NFASC: variants seen among roughly 807,000 people sequenced by gnomAD.
The protein encoded by NFASC is neurofascin homolog.
A neutral mutation model predicts 147.5 loss-of-function variants in NFASC; 43 were observed. The ratio of observed to expected loss-of-function variants is 0.29; its 90% CI spans 0.23 to 0.38. The LOEUF is 0.38. NFASC is among the 10% of genes least tolerant of loss of function. The probability of loss-of-function intolerance (pLI) is 1.00; values close to 1 mark genes in which losing one functional copy is unlikely to be tolerated. For missense variants in NFASC, 1,320 were observed against 1,689.0 expected (o/e 0.78, Z 3.83); for synonymous variants, 622 against 665.5 (o/e 0.93, Z 1.01).
chr1:204,843,616 CTT>C (rs1676040422), intron 1 of NFASC, among the ~76,000 whole-genome samples: 1 of 83,246 alleles, frequency 1.2e-5, no homozygotes, highest in Admixed American at 1.5e-4. Context: ...TCCTTCCTTC[CTT>C]CCTTCCTTCC....
chr1:204,853,343 C>T (rs2075862345), intron 1 of NFASC, among the ~76,000 whole-genome samples: 1 of 152,192 alleles, frequency 6.6e-6, no homozygotes, highest in Admixed American at 6.5e-5. Context: ...ATCACATTAG[C>T]TCATATTTTT....
rs2096402987 is a variant in NFASC, at chr1:205,021,924, T to C, written c.*5385T>C. On this transcript the variant is annotated 3_prime_UTR_variant, in exon 30 of 30. Coordinates refer to ENST00000339876, the MANE Select transcript of NFASC (RefSeq NM_001005388.3). ...GAACCCTAGACCGTACCCCGTAGAA[T>C]GGTGTCTCTTGCTTTGTAACACATC... 3 of 152,674 alleles carry C rather than the reference T, an allele frequency of 2.0e-5. No individual in the cohort carries two copies. Among genetic ancestry groups the C allele is most frequent in the Non-Finnish European group, 1.5e-5 (1 of 68,056 alleles). 9.5% of individuals were successfully genotyped at this position (152,674 alleles called of 1,614,324 possible). A position where few individuals can be genotyped will look rare whatever the true frequency, so the allele number is the denominator to read the frequency against.
intron 1 of NFASC, among the ~76,000 whole-genome samples, chr1:204,831,085 T>A (rs900432146): frequency 3.9e-5 from 6 of 152,062 alleles, no homozygotes; most frequent in Non-Finnish European, 1.5e-5. Flanking sequence ...GGAGAAAGCA[T>A]TACCTGCAGC....
intron 29 of NFASC, among the ~76,000 whole-genome samples, chr1:205,013,103 C>G (rs796435353): frequency 3.9e-5 from 6 of 152,326 alleles, no homozygotes; most frequent in African/African-American, 1.4e-4. Flanking sequence ...GAGTCACTGC[C>G]CGACACATGC....
intron 29 of NFASC, among the ~76,000 whole-genome samples, chr1:205,014,544 C>T (rs1177972991): frequency 2.0e-5 from 3 of 152,198 alleles, no homozygotes; most frequent in African/African-American, 4.8e-5. Flanking sequence ...CCACCTAGAC[C>T]TTGAAGATGT....
chr1:204,978,638 G>T (rs182569435), intron 17 of NFASC, among the ~76,000 whole-genome samples: 1 of 152,234 alleles, frequency 6.6e-6, no homozygotes. Flanking sequence ...GATGACGGGT[G>T]GCATTCCTGA....
chr1:204,936,198 C>CT lies in NFASC; in HGVS notation c.-90-8023dup, dbSNP rs749844237. 5.6e-4 allele frequency among the ~76,000 whole-genome samples: 40 copies of CT among 71,886 alleles called. 7 individuals carry two copies. Among genetic ancestry groups the CT allele is most frequent in the East Asian group, 2.4e-3 (3 of 1,246 alleles). The allele number at this position is 71,886 out of a possible 152,430, so 47.2% of individuals were successfully genotyped here. ...TAACAGATTCCCTCTCTCTCTCTTT[C>CT]TTTTTCTTTTTTTTTTTTTTTGAGA... On this transcript the variant is annotated intron_variant, in intron 2 of 29. Transcript: ENST00000339876.
At chr1:204,896,893 TA>T (rs2083484424) in intron 1 of NFASC, among the ~76,000 whole-genome samples, 2 of 152,184 alleles carry the variant, frequency 1.3e-5, no homozygotes, top group African/African-American at 4.8e-5. Flanking sequence ...GGCACTGCGC[TA>T]GGGGCTGGGA....
chr1:204,938,852 C>T (rs1053532865), intron 2 of NFASC, among the ~76,000 whole-genome samples: 38 of 152,264 alleles, frequency 2.5e-4, no homozygotes, highest in African/African-American at 7.7e-4. Flanking sequence ...ATTGAGGGCC[C>T]GGGAATCTGT....
chr1:204,978,467 C>T (rs377263591), intron 17 of NFASC, among the ~76,000 whole-genome samples: 1 of 152,212 alleles, frequency 6.6e-6, no homozygotes, highest in Non-Finnish European at 1.5e-5. Flanking sequence ...GTTGCCCCCA[C>T]TCCCCTAACC....
chr1:204,953,811 G>T (rs972728614), intron 5 of NFASC, among the ~76,000 whole-genome samples: 6 of 152,198 alleles, frequency 3.9e-5, no homozygotes, highest in Non-Finnish European at 7.3e-5. Flanking sequence ...GAAATGTCCT[G>T]GGGTGGAAGA....
chr1:205,011,213 C>CA (rs1553328299), intron 28 of NFASC, among the ~76,000 whole-genome samples: 4 of 151,848 alleles, frequency 2.6e-5, no homozygotes, highest in African/African-American at 7.3e-5. Context: ...CAGGACCCCC[C>CA]CCAAAACTCA....
intron 1 of NFASC, among the ~76,000 whole-genome samples, chr1:204,908,408 G>T (rs1441454676): frequency 1.3e-5 from 2 of 151,870 alleles, no homozygotes; most frequent in African/African-American, 2.4e-5. Context: ...AAAATATAAG[G>T]TATAAAAATT....
intron 13 of NFASC, 88 bp from the exon 14 acceptor site, chr1:204,974,569 C>A: frequency 6.9e-7 from 1 of 1,440,364 alleles, no homozygotes; most frequent in Non-Finnish European, 9.8e-7. Flanking sequence ...CTTCCACAGC[C>A]CCCATGGTCT....
intron 2 of NFASC, among the ~76,000 whole-genome samples, chr1:204,926,406 ATTTTTTTTTT>A (rs1202294421): frequency 7.1e-5 from 1 of 14,110 alleles, no homozygotes; most frequent in South Asian, 2.9e-3. Context: ...ATATATATAT[ATTTTTTTTTT>A]TTTTTTTTTT....
intron 20 of NFASC, among the ~76,000 whole-genome samples, chr1:204,981,339 C>T (rs1331030746): frequency 6.6e-6 from 1 of 152,282 alleles, no homozygotes; most frequent in African/African-American, 2.4e-5. Context: ...AAGGACAGGA[C>T]AGACACACAC....
rs914782434 is a variant in NFASC, at chr1:204,849,720, C to T, written c.-200+20938C>T. ...ACATGATGTTCTGGTCATCCATCCC[C>T]CTGGAAGTGCCCGCAGTTGGGTGGT... On this transcript the variant is annotated intron_variant, in intron 1 of 29. Transcript: ENST00000339876. Among the ~76,000 whole-genome samples the T allele has an allele frequency of 1.3e-5, 2 of 152,142 alleles. 1 individual carries two copies. The highest frequency in any genetic ancestry group is 4.1e-4 in the South Asian group (2 of 4,828).
chr1:204,905,355 C>G (rs1328960421), intron 1 of NFASC, among the ~76,000 whole-genome samples: 4 of 145,726 alleles, frequency 2.7e-5, no homozygotes, highest in Non-Finnish European at 4.5e-5. Flanking sequence ...TCCTTTCCAG[C>G]TTTTGTTATT....
chr1:204,976,637 C>A, intron 15 of NFASC, 34 bp from the exon 16 acceptor site: 1 of 1,546,620 alleles, frequency 6.5e-7, no homozygotes, highest in Non-Finnish European at 8.9e-7. Context: ...CTCCCCTACC[C>A]CCTCCTCCCA....
Sources: allele counts gnomAD v4.1 joint callset (sites outside exome capture counted in the v4.1 genomes callset), GRCh38; gene constraint gnomAD v4.1.1; transcripts MANE v1.5; gene names NCBI Gene and HGNC (gene_info 2026-07-23, HGNC 2026-07-21).